SNX31: variants seen among roughly 807,000 people sequenced by gnomAD.
The protein encoded by SNX31 is sorting nexin-31.
Under a neutral mutation model 65.4 loss-of-function variants are expected in SNX31, and 58 were observed. That is an observed-to-expected ratio of 0.89 (90% confidence interval 0.72 to 1.10). The LOEUF is 1.10. Ranked by LOEUF, SNX31 falls within the 50% of genes least tolerant of loss-of-function variation. The pLI is 0.00. For missense variants in SNX31, 523 were observed against 529.7 expected (o/e 0.99, Z 0.12); for synonymous variants, 181 against 190.1 (o/e 0.95, Z 0.39).
intron 5 of SNX31, among the ~76,000 whole-genome samples, chr8:100,615,660 C>A (rs1305940232): frequency 6.6e-6 from 1 of 152,222 alleles, no homozygotes; most frequent in Non-Finnish European, 1.5e-5. Flanking sequence ...AGGCTACAAG[C>A]CTGTTAGCCC....
rs1190600695 is a variant in SNX31 at position 100,588,801 on chromosome 8, C to A, written c.1092+65G>T. On this transcript the variant is annotated intron_variant, in intron 11 of 13. Coordinates refer to ENST00000311812, the MANE Select transcript of SNX31 (RefSeq NM_152628.4). The surrounding 1 kb of genome is among the most constrained non-coding windows in gnomAD (Gnocchi z 4.8). ...GTTGGGTTAGGGTCATGTGCTTCATCCACCCCAGCAAGCAAGACAGCATTT... is the reference window on the plus strand; with the variant it reads ...GTTGGGTTAGGGTCATGTGCTTCATACACCCCAGCAAGCAAGACAGCATTT... 4.8e-6 allele frequency: 6 copies of A among 1,237,618 alleles called. No homozygotes were observed. Among genetic ancestry groups the A allele is most frequent in the African/African-American group, 3.0e-5 (2 of 67,372 alleles). The allele number at this position is 1,237,618 out of a possible 1,614,324, so 76.7% of individuals were successfully genotyped here. A position where few individuals can be genotyped will look rare whatever the true frequency, so the allele number is the denominator to read the frequency against.
intron 11 of SNX31, among the ~76,000 whole-genome samples, chr8:100,586,516 A>C (rs950509568): frequency 6.6e-6 from 1 of 152,210 alleles, no homozygotes; most frequent in African/African-American, 2.4e-5. Context: ...TTGAAAAATC[A>C]TAGTAAAATT....
At chr8:100,581,478 C>T (rs150546942) in intron 12 of SNX31, among the ~76,000 whole-genome samples, 75 of 151,964 alleles carry the variant, frequency 4.9e-4, no homozygotes, top group African/African-American at 1.8e-3. Context: ...TCTTTGAAAA[C>T]ATTACCTAAA....
At chr8:100,600,224 A>AT (rs1815491336) in intron 9 of SNX31, 125 bp downstream of exon 9, 2 of 724,248 alleles carry the variant, frequency 2.8e-6, no homozygotes, top group African/African-American at 1.8e-5. Flanking sequence ...AGATATTCTT[A>AT]TTTTTTTAAA....
At chr8:100,585,376 T>G (rs988253304) in intron 11 of SNX31, among the ~76,000 whole-genome samples, 1 of 151,848 alleles carries the variant, frequency 6.6e-6, no homozygotes, top group Non-Finnish European at 1.5e-5. Flanking sequence ...GTGGTCACTG[T>G]GTTGGAGGGG....
intron 1 of SNX31, among the ~76,000 whole-genome samples, chr8:100,654,838 T>C (rs562700441): frequency 1.5e-3 from 228 of 152,180 alleles, no homozygotes; most frequent in African/African-American, 5.0e-3. Context: ...CATGGTGAGA[T>C]ACTGTCTCTG....
chr8:100,612,784 T>C lies in SNX31; in HGVS notation c.523+211A>G, dbSNP rs1230909742. 6.6e-6 allele frequency among the ~76,000 whole-genome samples: 1 copy of C among 152,122 alleles called. No individual in the cohort carries two copies. ...GCTGGGGGTACACAAGTGCAGTTAC[T>C]GGACCACCCAAGGTATGAGCGGTTT... On this transcript the variant is annotated intron_variant, in intron 6 of 13. Transcript: ENST00000311812. This position sits in a 1 kb window ranked among gnomAD's most constrained non-coding sequence, Gnocchi z 4.3.
In SNX31 at chr8:100,600,451, A is replaced by G. The variant is rs187254309; in HGVS notation, c.682-10T>C. The G allele has an allele frequency of 7.5e-6, 12 of 1,604,624 alleles. No homozygotes were observed. The Admixed American group carries it at 1.7e-4, about 23-fold the overall frequency. Reference sequence around the variant, plus strand: ...CAATGTCCTGTATTGCCTTAAAATAACATAAGTTGTAAAATTAGCAGTCTT... The same window carrying G: ...CAATGTCCTGTATTGCCTTAAAATAGCATAAGTTGTAAAATTAGCAGTCTT... On this transcript the variant is annotated splice_polypyrimidine_tract_variant and intron_variant, in intron 8 of 13. Coordinates refer to ENST00000311812, the MANE Select transcript of SNX31 (RefSeq NM_152628.4).
At position 100,626,614 on chromosome 8, in the gene SNX31, C is replaced by T. The variant is rs1818059690; in HGVS notation, c.321+3713G>A. On this transcript the variant is annotated intron_variant, in intron 4 of 13. Coordinates refer to ENST00000311812, the MANE Select transcript of SNX31 (RefSeq NM_152628.4). The surrounding 1 kb of genome is among the most constrained non-coding windows in gnomAD (Gnocchi z 4.4). ...AGGCCCCCTCCCCAGTACTATGTGT[C>T]AGCAAACAGCTAGCTCACAACAGCA... 6.6e-6 allele frequency among the ~76,000 whole-genome samples: 1 copy of T among 152,158 alleles called. No homozygotes were observed. The highest frequency in any genetic ancestry group is 1.5e-5 in the Non-Finnish European group (1 of 68,024).
chr8:100,621,619 A>G (rs1422780708), intron 4 of SNX31, among the ~76,000 whole-genome samples: 1 of 152,168 alleles, frequency 6.6e-6, no homozygotes, highest in Non-Finnish European at 1.5e-5. Context: ...TGGGCTCCTT[A>G]CAAGTCTCCT....
chr8:100,617,300 C>A (rs1418827880), intron 5 of SNX31, among the ~76,000 whole-genome samples: 2 of 152,170 alleles, frequency 1.3e-5, no homozygotes, highest in African/African-American at 4.8e-5. Flanking sequence ...AACGATGGGA[C>A]ATCCAGTAAT....
rs932139792 is a variant in SNX31 at position 100,597,847 on chromosome 8, C to T, written c.775-1005G>A. ...ACATTAACGTCTGTCCAGGGCTTTC[C>T]ATTTTGTTAATGATTGCATTTAAAT... On this transcript the variant is annotated intron_variant, in intron 9 of 13. Transcript: ENST00000311812. 2.6e-5 allele frequency among the ~76,000 whole-genome samples: 4 copies of T among 152,284 alleles called. No individual in the cohort carries two copies. In the East Asian group the frequency reaches 5.8e-4, roughly 22 times the overall value.
chr8:100,581,247 C>T (rs1167592329), intron 12 of SNX31, among the ~76,000 whole-genome samples: 2 of 150,480 alleles, frequency 1.3e-5, no homozygotes, highest in Non-Finnish European at 2.9e-5. Flanking sequence ...TGCAGTGAGA[C>T]ATGATTGCAC....
At chr8:100,631,637 C>G (rs1418076863) in intron 3 of SNX31, among the ~76,000 whole-genome samples, 2 of 152,104 alleles carry the variant, frequency 1.3e-5, no homozygotes, top group African/African-American at 4.8e-5. Flanking sequence ...CCTCTACCAG[C>G]ATTCAAAACT....
intron 2 of SNX31, among the ~76,000 whole-genome samples, chr8:100,645,606 ATTT>A (rs10598981): frequency 0.079 from 8,376 of 106,386 alleles, 150 homozygotes; most frequent in Non-Finnish European, 0.086. Context: ...CAGACTCTTC[ATTT>A]TTTTTTTTTT....
rs1587106484 is a variant in SNX31, at chr8:100,649,646, C to T, written c.-132G>A. The T allele has an allele frequency of 5.8e-6, 5 of 866,540 alleles. No individual in the cohort carries two copies. Among genetic ancestry groups the T allele is most frequent in the South Asian group, 1.9e-5 (1 of 52,224 alleles). The allele number at this position is 866,540 out of a possible 1,614,324, so 53.7% of individuals were successfully genotyped here. A position where few individuals can be genotyped will look rare whatever the true frequency, so the allele number is the denominator to read the frequency against. On this transcript the variant is annotated 5_prime_UTR_variant, in exon 1 of 14. Transcript: ENST00000311812. ...CTCAGAGCGAACCCCGGCGCCCGCT[C>T]TCGCCGGCCGGGGACATCTACAGGT...
chr8:100,645,154 T>A (rs1819537026), intron 2 of SNX31, among the ~76,000 whole-genome samples: 1 of 152,334 alleles, frequency 6.6e-6, no homozygotes, highest in Non-Finnish European at 1.5e-5. Flanking sequence ...GCGTGGCATA[T>A]AACAGAAACT....
rs775953016 is a variant in SNX31 at position 100,613,016 on chromosome 8, C to G, written c.502G>C (p.Gly168Arg). The change falls in exon 6 of 14, where the codon GGC becomes CGC. Residue 168 changes from glycine to arginine, a missense_variant. By Grantham distance (125) the Gly-to-Arg change is moderately radical. Coordinates refer to ENST00000311812, the MANE Select transcript of SNX31 (RefSeq NM_152628.4). The surrounding 1 kb of genome is among the most constrained non-coding windows in gnomAD (Gnocchi z 5.2). ...TTACCAGAGAGCTTGCCCTCCTTGC[C>G]AAACCGAATGAGAAAGAGGCCGAAG... ...GYFGLFLIRF[G>R]KEGKLSVVKK... The G allele has an allele frequency of 1.2e-6, 2 of 1,614,044 alleles. No homozygotes were observed. The highest frequency in any genetic ancestry group is 1.7e-6 in the Non-Finnish European group (2 of 1,179,990).
Position 100,622,362 on chromosome 8 carries a change from G to C in SNX31, c.322-4632C>G, listed in dbSNP as rs1817755328. Reference sequence around the variant, plus strand: ...CTAGCATAGTAGCGTCCGCAATGGGGCATTTTCCAGGTGTGGTGGCTCACG... The same window carrying C: ...CTAGCATAGTAGCGTCCGCAATGGGCCATTTTCCAGGTGTGGTGGCTCACG... On this transcript the variant is annotated intron_variant, in intron 4 of 13. Transcript: ENST00000311812. This position sits in a 1 kb window ranked among gnomAD's most constrained non-coding sequence, Gnocchi z 5.0. 1.3e-5 allele frequency among the ~76,000 whole-genome samples: 2 copies of C among 152,138 alleles called. No homozygotes were observed. The highest frequency in any genetic ancestry group is 2.9e-5 in the Non-Finnish European group (2 of 68,030).
Sources: gnomAD v4.1 joint callset for allele counts (sites outside exome capture counted in the v4.1 genomes callset) on GRCh38, gnomAD v4.1.1 for gene constraint, Gnocchi (gnomAD v3.1) non-coding constraint, MANE v1.5 for transcripts, NCBI Gene and HGNC (gene_info 2026-07-23, HGNC 2026-07-21) for gene names.